NBAS: variants seen among roughly 807,000 people sequenced by gnomAD.
NBAS encodes NBAS subunit of NRZ tethering complex, also known as NAG/BC035112 fusion.
Under a neutral mutation model 302.5 loss-of-function variants are expected in NBAS, and 219 were observed. The observed-to-expected ratio is 0.72, with a 90% CI of 0.65 to 0.81. The LOEUF (loss-of-function observed/expected upper bound fraction) is 0.81. NBAS is among the 30% of genes least tolerant of loss of function. The pLI is 0.00. For synonymous variants in NBAS, 1,118 were observed against 1,021.6 expected (o/e 1.09, Z -1.80); for missense variants, 2,932 against 2,841.6 (o/e 1.03, Z -0.72).
At chr2:15,305,000 G>A (rs938961821) in intron 40 of NBAS, among the ~76,000 whole-genome samples, 1 of 152,166 alleles carries the variant, frequency 6.6e-6, no homozygotes, top group African/African-American at 2.4e-5. Context: ...TAAGCCTTTG[G>A]ACTTGGACTT....
At chr2:14,934,417 T>C in the NBAS span, among the ~76,000 whole-genome samples, 1 of 152,206 alleles carries the variant, frequency 6.6e-6, no homozygotes, top group African/African-American at 2.4e-5. Context: ...TAAGTATTAC[T>C]TATACTTTGC....
the NBAS span, among the ~76,000 whole-genome samples, chr2:14,901,209 A>G: frequency 6.6e-6 from 1 of 152,214 alleles, no homozygotes; most frequent in Non-Finnish European, 1.5e-5. Context: ...CAGTCACTTC[A>G]CATGGATTAG....
chr2:15,521,266 C>T (rs887112945), intron 9 of NBAS, among the ~76,000 whole-genome samples: 2 of 152,148 alleles, frequency 1.3e-5, no homozygotes, highest in Non-Finnish European at 2.9e-5. Context: ...TATTCTGATT[C>T]GTTGGTCACC....
chr2:15,277,070 G>A lies in NBAS; in HGVS notation c.5170C>T (p.Gln1724Ter), dbSNP rs775255195. ...LSTLEIENRA[Q>*]DLHLFETLKT... is the part of the protein sequence containing the mutation. ...AAAGTCTCAAAGAGATGAAGGTCTT[G>A]GGCTCTATTTTCAATTTCTAGTGTG... Residue 1724 changes from glutamine to a stop codon, truncating the protein, a stop_gained, in exon 43 of 52, where the codon CAA becomes TAA. Coordinates refer to ENST00000281513, the MANE Select transcript of NBAS (RefSeq NM_015909.4). LOFTEE classifies it high-confidence loss of function. 1 of 1,613,628 alleles carries A rather than the reference G, an allele frequency of 6.2e-7. No homozygotes were observed. Among genetic ancestry groups the A allele is most frequent in the Non-Finnish European group, 8.5e-7 (1 of 1,179,856 alleles).
intron 19 of NBAS, 118 bp from the exon 20 acceptor site, chr2:15,461,909 T>A: frequency 1.5e-6 from 1 of 657,164 alleles, no homozygotes; most frequent in Non-Finnish European, 2.7e-6. Flanking sequence ...CTGAATTAAT[T>A]AATTTCAACC....
the NBAS span, among the ~76,000 whole-genome samples, chr2:14,994,567 C>T: frequency 3.9e-5 from 6 of 152,262 alleles, no homozygotes; most frequent in South Asian, 4.2e-4. Flanking sequence ...TGACGCTCCT[C>T]GATTCTCTTC....
chr2:15,011,210 G>C, the NBAS span, among the ~76,000 whole-genome samples: 3 of 152,084 alleles, frequency 2.0e-5, no homozygotes, highest in Non-Finnish European at 4.4e-5. Flanking sequence ...ATGGGAAAGA[G>C]ACAGGAAAGG....
At chr2:15,147,518 G>A in the NBAS span, among the ~76,000 whole-genome samples, 12 of 152,148 alleles carry the variant, frequency 7.9e-5, no homozygotes, top group African/African-American at 1.4e-4. Flanking sequence ...GCTTGAATCC[G>A]GAGGTGGAGG....
chr2:15,249,749 C>A (rs1013722696), intron 44 of NBAS, among the ~76,000 whole-genome samples: 1 of 152,106 alleles, frequency 6.6e-6, no homozygotes, highest in African/African-American at 2.4e-5. Flanking sequence ...ATACAACTTA[C>A]AAGGGATGTG....
intron 26 of NBAS, among the ~76,000 whole-genome samples, chr2:15,399,511 A>G (rs942903808): frequency 6.7e-6 from 1 of 149,196 alleles, no homozygotes; most frequent in African/African-American, 2.6e-5. Context: ...TCTCAGAGAC[A>G]CACTTGCTAC....
chr2:15,117,660 T>C, the NBAS span, among the ~76,000 whole-genome samples: 1 of 152,216 alleles, frequency 6.6e-6, no homozygotes, highest in African/African-American at 2.4e-5. Context: ...AAGAAAAGCC[T>C]GAGAATATGT....
At chr2:15,477,912 C>T (rs184127582) in intron 13 of NBAS, among the ~76,000 whole-genome samples, 37 of 152,268 alleles carry the variant, frequency 2.4e-4, no homozygotes, top group Admixed American at 1.1e-3. Flanking sequence ...CCCCAACCCG[C>T]GAGATAACTT....
At chr2:15,197,403 T>A (rs1665673141) in intron 48 of NBAS, among the ~76,000 whole-genome samples, 1 of 152,242 alleles carries the variant, frequency 6.6e-6, no homozygotes, top group Non-Finnish European at 1.5e-5. Flanking sequence ...AGTTTCTTTA[T>A]CTGTAATTTG....
At chr2:15,158,650 C>T in the NBAS span, among the ~76,000 whole-genome samples, 1 of 152,180 alleles carries the variant, frequency 6.6e-6, no homozygotes, top group African/African-American at 2.4e-5. Context: ...GGCTGCAGAC[C>T]CAGCCAGAGT....
At chr2:15,441,279 G>C (rs1182780824) in intron 21 of NBAS, among the ~76,000 whole-genome samples, 2 of 152,142 alleles carry the variant, frequency 1.3e-5, no homozygotes, top group Admixed American at 6.5e-5. Flanking sequence ...ACCCACAAAG[G>C]GAAGCCCATC....
chr2:15,542,209 T>G (rs1663880819), intron 6 of NBAS, among the ~76,000 whole-genome samples: 1 of 85,424 alleles, frequency 1.2e-5, no homozygotes, highest in African/African-American at 4.3e-5. Flanking sequence ...GGGAAAAGAT[T>G]GAGAAATCGG....
the NBAS span, among the ~76,000 whole-genome samples, chr2:14,831,376 A>G: frequency 6.6e-6 from 1 of 152,242 alleles, no homozygotes; most frequent in Non-Finnish European, 1.5e-5. Flanking sequence ...TTAAAAAAGT[A>G]GAATCCAGAA....
chr2:15,302,156 C>T (rs1291777156), intron 40 of NBAS, among the ~76,000 whole-genome samples: 8 of 152,210 alleles, frequency 5.3e-5, no homozygotes, highest in Non-Finnish European at 8.8e-5. Context: ...TGGTAACTCT[C>T]ACCCACTCAC....
intron 9 of NBAS, among the ~76,000 whole-genome samples, chr2:15,523,587 C>T (rs1199363334): frequency 6.6e-6 from 1 of 152,162 alleles, no homozygotes; most frequent in Non-Finnish European, 1.5e-5. Flanking sequence ...CAAGCCTCCA[C>T]AGATACCAAG....
Sources: allele counts gnomAD v4.1 joint callset (sites outside exome capture counted in the v4.1 genomes callset), GRCh38; gene constraint gnomAD v4.1.1; transcripts MANE v1.5; gene names NCBI Gene and HGNC (gene_info 2026-07-23, HGNC 2026-07-21).